Variants in UBTD2 observed in about 807,000 individuals in gnomAD.
UBTD2 encodes the protein ubiquitin domain containing 2, also known as ubiquitin domain-containing protein 2.
A neutral mutation model predicts 19.8 loss-of-function variants in UBTD2; 9 were observed. The observed-to-expected ratio is 0.46, with a 90% CI of 0.27 to 0.79. UBTD2 has a LOEUF of 0.79. Among genes scored for constraint, UBTD2 ranks in the 30% least tolerant of loss-of-function variants. The pLI is 0.14. For synonymous variants in UBTD2, 98 were observed against 103.9 expected, an observed-to-expected ratio of 0.94 and a Z score of 0.35; for missense variants, 250 against 300.4, an observed-to-expected ratio of 0.83 and a Z score of 1.24.
chr5:172,247,699 C>T (rs1165055591), intron 1 of UBTD2, among the ~76,000 whole-genome samples: 1 of 152,132 alleles, frequency 6.6e-6, no homozygotes, highest in Non-Finnish European at 1.5e-5. Context: ...GAAGCAAGCA[C>T]AGAATTGAAG....
At chr5:172,235,165 T>C (rs1399660985) in intron 1 of UBTD2, among the ~76,000 whole-genome samples, 1 of 152,118 alleles carries the variant, frequency 6.6e-6, no homozygotes, top group African/African-American at 2.4e-5. Context: ...TTCATCAGAC[T>C]GTAAGAGCAG....
intron 1 of UBTD2, among the ~76,000 whole-genome samples, chr5:172,261,037 T>C (rs1035253820): frequency 2.6e-5 from 4 of 152,156 alleles, no homozygotes; most frequent in Non-Finnish European, 5.9e-5. Context: ...TCCAGGTAAC[T>C]GCCCAAGACA....
At chr5:172,239,244 G>A (rs540616803) in intron 1 of UBTD2, among the ~76,000 whole-genome samples, 1 of 152,250 alleles carries the variant, frequency 6.6e-6, no homozygotes, top group South Asian at 2.1e-4. Flanking sequence ...ATGTAACAAG[G>A]ATGGCTTAAA....
At chr5:172,234,039 A>G in intron 2 of UBTD2, 83 bp downstream of exon 2, 1 of 1,420,994 alleles carries the variant, frequency 7.0e-7, no homozygotes. Context: ...CATAGCAAGG[A>G]AAAACACTCT....
intron 1 of UBTD2, among the ~76,000 whole-genome samples, chr5:172,244,322 G>A (rs1772197053): frequency 1.1e-5 from 1 of 95,212 alleles, no homozygotes; most frequent in Admixed American, 1.2e-4. Flanking sequence ...TTGAGACAGA[G>A]TTTTGCTCTT....
At chr5:172,218,583 G>C (rs1243087686) in intron 2 of UBTD2, among the ~76,000 whole-genome samples, 1 of 151,740 alleles carries the variant, frequency 6.6e-6, no homozygotes, top group Non-Finnish European at 1.5e-5. Context: ...AGGAGTTTGC[G>C]ACCAGCCTGG....
intron 1 of UBTD2, among the ~76,000 whole-genome samples, chr5:172,279,332 C>T (rs140332476): frequency 1.0e-3 from 153 of 152,314 alleles, no homozygotes; most frequent in African/African-American, 3.3e-3. Flanking sequence ...CTATCCACCT[C>T]ATAAGGTTGT....
chr5:172,271,371 G>A (rs1755486938), intron 1 of UBTD2, among the ~76,000 whole-genome samples: 2 of 150,438 alleles, frequency 1.3e-5, no homozygotes, highest in South Asian at 4.2e-4. Flanking sequence ...AGATCTTGCC[G>A]TGAGCCGAGA....
At chr5:172,279,057 C>T (rs1227903102) in intron 1 of UBTD2, among the ~76,000 whole-genome samples, 2 of 152,120 alleles carry the variant, frequency 1.3e-5, no homozygotes, top group Admixed American at 6.6e-5. Flanking sequence ...CGAATGCAGG[C>T]GTAAGCCACT....
chr5:172,262,172 G>A (rs1312944346), intron 1 of UBTD2, among the ~76,000 whole-genome samples: 3 of 152,012 alleles, frequency 2.0e-5, no homozygotes, highest in Non-Finnish European at 4.4e-5. Context: ...AAATGTGGTC[G>A]GGAGCGGTGG....
intron 2 of UBTD2, among the ~76,000 whole-genome samples, chr5:172,219,591 AT>A (rs1771613091): frequency 2.0e-5 from 3 of 152,202 alleles, no homozygotes; most frequent in African/African-American, 7.2e-5. Flanking sequence ...GGTGCTGGCA[AT>A]TTAGATATGC....
intron 2 of UBTD2, among the ~76,000 whole-genome samples, chr5:172,225,960 T>A (rs1296701213): frequency 7.9e-6 from 1 of 126,046 alleles, no homozygotes; most frequent in Non-Finnish European, 1.6e-5. Context: ...TTTTTTGAGA[T>A]GGAATCTTGC....
At chr5:172,215,129 C>T (rs1415150787) in intron 2 of UBTD2, among the ~76,000 whole-genome samples, 2 of 152,152 alleles carry the variant, frequency 1.3e-5, no homozygotes, top group Admixed American at 1.3e-4. Context: ...GTGGACAAGT[C>T]TTAGAGAGAA....
At chr5:172,273,386 T>C (rs941531394) in intron 1 of UBTD2, among the ~76,000 whole-genome samples, 11 of 151,136 alleles carry the variant, frequency 7.3e-5, no homozygotes, top group Non-Finnish European at 4.4e-5. Flanking sequence ...AGGTTAGGAG[T>C]TCAAAACCAG....
intron 1 of UBTD2, chr5:172,255,546 G>A (rs939281546): frequency 7.7e-5 from 21 of 273,938 alleles, no homozygotes; most frequent in South Asian, 4.8e-4. Flanking sequence ...GCCCCCAAGC[G>A]CAGTAATGTC....
chr5:172,273,247 A>G (rs960369828), intron 1 of UBTD2, among the ~76,000 whole-genome samples: 1 of 152,122 alleles, frequency 6.6e-6, no homozygotes, highest in South Asian at 2.1e-4. Context: ...ATAAATTTAA[A>G]TTGGAGATGA....
intron 1 of UBTD2, among the ~76,000 whole-genome samples, chr5:172,252,737 A>G (rs1031674177): frequency 1.3e-5 from 2 of 152,138 alleles, no homozygotes; most frequent in Non-Finnish European, 2.9e-5. Context: ...AGTTGTACTC[A>G]TTTGTCAAGT....
intron 1 of UBTD2, among the ~76,000 whole-genome samples, chr5:172,252,758 T>C (rs1309257296): frequency 6.6e-6 from 1 of 152,140 alleles, no homozygotes; most frequent in Non-Finnish European, 1.5e-5. Context: ...CCTTCTCCTT[T>C]AATGGGTTTT....
At chr5:172,279,977 G>A (rs569984994) in intron 1 of UBTD2, among the ~76,000 whole-genome samples, 84 of 152,106 alleles carry the variant, frequency 5.5e-4, no homozygotes, top group African/African-American at 1.8e-3. Context: ...GGCGCACGCC[G>A]GTAATGCCAG....
Sources: allele counts gnomAD v4.1 joint callset (sites outside exome capture counted in the v4.1 genomes callset), GRCh38; gene constraint gnomAD v4.1.1; transcripts MANE v1.5; gene names NCBI Gene and HGNC (gene_info 2026-07-23, HGNC 2026-07-21).